Variants in KDM3A observed in about 807,000 individuals in gnomAD.
The protein encoded by KDM3A is lysine-specific demethylase 3A.
Under a neutral mutation model 158.0 loss-of-function variants are expected in KDM3A, and 60 were observed. The observed-to-expected ratio is 0.38, with a 90% CI of 0.31 to 0.47. The LOEUF (loss-of-function observed/expected upper bound fraction) is 0.47, where lower values mean the gene tolerates loss of function less well. Ranked by LOEUF, KDM3A falls within the 20% of genes least tolerant of loss-of-function variation. The pLI, the probability that KDM3A is intolerant of heterozygous loss-of-function variation, is 0.99. For missense variants in KDM3A, 1,319 were observed against 1,574.3 expected (o/e 0.84, Z 2.74); for synonymous variants, 608 against 549.3 (o/e 1.11, Z -1.49).
chr2:86,474,159 C>CAACT (rs1347077562), intron 11 of KDM3A, among the ~76,000 whole-genome samples: 1 of 152,194 alleles, frequency 6.6e-6, no homozygotes, highest in African/African-American at 2.4e-5. Flanking sequence ...GCAAGTTGAA[C>CAACT]AACTATCCCT....
At chr2:86,453,128 G>A (rs1332384549) in intron 4 of KDM3A, among the ~76,000 whole-genome samples, 1 of 151,670 alleles carries the variant, frequency 6.6e-6, no homozygotes, top group East Asian at 1.9e-4. Flanking sequence ...TTGGGATTGA[G>A]AAAGAAACAT....
chr2:86,458,048 T>C (rs1352879776), intron 8 of KDM3A, among the ~76,000 whole-genome samples: 2 of 152,176 alleles, frequency 1.3e-5, no homozygotes, highest in Non-Finnish European at 2.9e-5. Context: ...AAAAACTCCT[T>C]TATAATGCTC....
Position 86,442,291 on chromosome 2 carries a change from A to G in KDM3A, c.186+58A>G, listed in dbSNP as rs1468181678. 6.0e-6 allele frequency: 9 copies of G among 1,495,964 alleles called. No homozygotes were observed. In the Admixed American group the frequency reaches 1.7e-4, roughly 29 times the overall value. The allele number at this position is 1,495,964 out of a possible 1,614,324, so 92.7% of individuals were successfully genotyped here. On this transcript the variant is annotated intron_variant, in intron 2 of 25. Transcript: ENST00000312912. The stretch of plus-strand genomic sequence containing the variant: ...GTTTCGCAGTTACCGTGGTAACGCG[A>G]CCATCGGTTCCCTCCTTCCGTTTTC...
intron 2 of KDM3A, among the ~76,000 whole-genome samples, chr2:86,446,934 C>G (rs1682981022): frequency 6.6e-6 from 1 of 152,126 alleles, no homozygotes. Flanking sequence ...ACCTCAGCCT[C>G]CTGAATATCT....
intron 2 of KDM3A, among the ~76,000 whole-genome samples, chr2:86,448,283 A>G (rs905830834): frequency 3.9e-5 from 6 of 152,146 alleles, no homozygotes; most frequent in African/African-American, 1.2e-4. Flanking sequence ...TGTAGACTGG[A>G]GAAGGTTTGG....
At chr2:86,461,795 A>ACT (rs1287588362) in intron 8 of KDM3A, among the ~76,000 whole-genome samples, 1 of 152,196 alleles carries the variant, frequency 6.6e-6, no homozygotes, top group African/African-American at 2.4e-5. Context: ...CCAGAGAGAT[A>ACT]ACAAGTACAA....
chr2:86,477,896 A>G lies in KDM3A; in HGVS notation c.1959A>G (p.Arg653=), dbSNP rs770533574. Residue 653 remains arginine, a synonymous_variant, in exon 13 of 26, where the codon CGA becomes CGG. Transcript: ENST00000312912. ...TTGCAGGACAGGTTGCTTGGAAGCG[A>G]GCTGTCAAAGGTGTTCGAGAAATGT... is the stretch of plus-strand genomic sequence containing the variant. ...IEPHRQVAWK[R]AVKGVREMCD... is the part of the protein sequence containing the mutation. 25 of 1,609,002 alleles carry G rather than the reference A, an allele frequency of 1.6e-5. 1 individual carries two copies. In the South Asian group the frequency reaches 2.4e-4, roughly 16 times the overall value.
In KDM3A at chr2:86,474,922, A is replaced by C; in HGVS notation, c.1871A>C (p.Asn624Thr). The change falls in exon 12 of 26, where the codon AAC becomes ACC. Residue 624 changes from asparagine to threonine, a missense_variant. Physicochemically the swap from Asn to Thr is moderately conservative, Grantham distance 65. Transcript: ENST00000312912. ...DLDTAKYILA[N>T]IGDHFCQMVI... ...GACACAGCAAAGTACATCTTGGCCAACATTGGAGACCACTTCTGTCAAATG... is the reference window on the plus strand; with the variant it reads ...GACACAGCAAAGTACATCTTGGCCACCATTGGAGACCACTTCTGTCAAATG... 1 of 1,614,130 alleles carries C rather than the reference A, an allele frequency of 6.2e-7. No individual in the cohort carries two copies. The highest frequency in any genetic ancestry group is 8.5e-7 in the Non-Finnish European group (1 of 1,180,024).
At chr2:86,451,575 T>C (rs904045458) in intron 4 of KDM3A, among the ~76,000 whole-genome samples, 1 of 152,228 alleles carries the variant, frequency 6.6e-6, no homozygotes, top group Non-Finnish European at 1.5e-5. Flanking sequence ...GTCTTCATGT[T>C]GAGTAGACTT....
intron 9 of KDM3A, among the ~76,000 whole-genome samples, chr2:86,465,797 T>C (rs1031089371): frequency 4.6e-5 from 7 of 152,076 alleles, no homozygotes; most frequent in Non-Finnish European, 1.0e-4. Flanking sequence ...AGAATTTTTA[T>C]CTTGACACAT....
chr2:86,483,296 T>C (rs1674028929), intron 18 of KDM3A: 1 of 152,502 alleles, frequency 6.6e-6, no homozygotes, highest in Non-Finnish European at 1.5e-5. Flanking sequence ...AGGAACACTC[T>C]GCTCTTGGAC....
chr2:86,485,430 A>G (rs1484251909), intron 20 of KDM3A, among the ~76,000 whole-genome samples: 1 of 152,228 alleles, frequency 6.6e-6, no homozygotes, highest in Non-Finnish European at 1.5e-5. Flanking sequence ...TGAAACTTTG[A>G]AAAGGGTGTC....
chr2:86,485,886 A>G (rs1251581359), intron 21 of KDM3A, 27 bp downstream of exon 21: 1 of 1,601,150 alleles, frequency 6.2e-7, no homozygotes, highest in Non-Finnish European at 8.6e-7. Flanking sequence ...TAACTTTAAA[A>G]TGGAAATAAA....
In KDM3A at chr2:86,466,675, G is replaced by C. The variant is rs770623310; in HGVS notation, c.1311G>C (p.Gln437His). 1 of 1,613,928 alleles carries C rather than the reference G, an allele frequency of 6.2e-7. No homozygotes were observed. The highest frequency in any genetic ancestry group is 2.2e-5 in the East Asian group (1 of 44,880). The change falls in exon 10 of 26, where the codon CAG becomes CAC. Residue 437 changes from glutamine to histidine, a missense_variant. By Grantham distance (24) the Gln-to-His change is conservative. Coordinates refer to ENST00000312912, the MANE Select transcript of KDM3A (RefSeq NM_018433.6). ...ELEIANPPEL[Q>H]KHLEHAPSPS... The stretch of plus-strand genomic sequence containing the variant: ...AAATTGCCAATCCTCCTGAACTGCA[G>C]AAGCACCTAGAACATGCACCTTCCC...
intron 8 of KDM3A, among the ~76,000 whole-genome samples, chr2:86,462,733 A>G (rs185781392): frequency 6.6e-6 from 1 of 152,330 alleles, no homozygotes; most frequent in African/African-American, 2.4e-5. Flanking sequence ...AAGGCTGTCA[A>G]GTAAATTTCT....
chr2:86,485,504 T>C (rs1436351420), intron 20 of KDM3A, among the ~76,000 whole-genome samples: 1 of 152,242 alleles, frequency 6.6e-6, no homozygotes, highest in African/African-American at 2.4e-5. Flanking sequence ...CTGAGATCTT[T>C]TGTCTGAACG....
chr2:86,467,833 C>T (rs1006932683), intron 10 of KDM3A, among the ~76,000 whole-genome samples: 8 of 152,106 alleles, frequency 5.3e-5, no homozygotes, highest in Non-Finnish European at 8.8e-5. Context: ...CCAGCCTGGG[C>T]AACATAGTGA....
chr2:86,478,591 C>T lies in KDM3A; in HGVS notation c.2189-17C>T, dbSNP rs1439744594. ...CTAATATCCTTGTTCAGATGTTTGCCTCTGCCCTTTCTTTAGCACTCTATG... is the reference window on the plus strand; with the variant it reads ...CTAATATCCTTGTTCAGATGTTTGCTTCTGCCCTTTCTTTAGCACTCTATG... On this transcript the variant is annotated splice_polypyrimidine_tract_variant and intron_variant, in intron 14 of 25. Transcript: ENST00000312912. The T allele has an allele frequency of 3.1e-6, 5 of 1,613,114 alleles. No homozygotes were observed. The African/African-American group carries it at 4.0e-5, about 13-fold the overall frequency.
intron 10 of KDM3A, among the ~76,000 whole-genome samples, chr2:86,468,451 T>C (rs951493796): frequency 6.6e-6 from 1 of 152,236 alleles, no homozygotes; most frequent in African/African-American, 2.4e-5. Flanking sequence ...TCTAGTGCAA[T>C]AAGCACATGA....
Sources: allele counts gnomAD v4.1 joint callset (sites outside exome capture counted in the v4.1 genomes callset), GRCh38; gene constraint gnomAD v4.1.1; transcripts MANE v1.5; gene names NCBI Gene and HGNC (gene_info 2026-07-23, HGNC 2026-07-21).